PUDP: variants seen among roughly 807,000 people sequenced by gnomAD.
The protein encoded by PUDP is pseudouridine 5'-phosphatase.
Under a neutral mutation model 9.4 loss-of-function variants are expected in PUDP, and 8 were observed. That is an observed-to-expected ratio of 0.85 (90% CI 0.50 to 1.53). PUDP has a LOEUF of 1.53. Among genes scored for constraint, PUDP ranks in the 40% most tolerant of loss-of-function variants. The pLI is 0.00. For missense variants in PUDP, 188 were observed against 189.7 expected (o/e 0.99, Z 0.05); for synonymous variants, 99 against 80.7 (o/e 1.23, Z -1.22).
chrX:6,776,279 C>T (rs1239864240), intron 3 of PUDP, among the ~76,000 whole-genome samples: 1 of 110,290 alleles, frequency 9.1e-6, no homozygotes, highest in Non-Finnish European at 1.9e-5. Context: ...TGCCTGTAAA[C>T]CAAGCACCTT....
intron 3 of PUDP, among the ~76,000 whole-genome samples, chrX:6,763,403 C>T (rs992131554): frequency 8.9e-6 from 1 of 111,906 alleles, no homozygotes; most frequent in African/African-American, 3.2e-5. Context: ...ATTCGTAACA[C>T]CTTAAAATTA....
chrX:6,799,599 T>TA (rs371964341), intron 3 of PUDP, among the ~76,000 whole-genome samples: 2 of 111,499 alleles, frequency 1.8e-5, no homozygotes, highest in South Asian at 3.7e-4. Context: ...TATACATTAG[T>TA]AAAAAACAAA....
At position 6,933,313 on chromosome X, in the gene PUDP, G is replaced by C. The variant is rs187099090; in HGVS notation, c.*247+43820C>G. Reference sequence around the variant, plus strand: ...CTTCCAGAGGAATGATCAGACAGCAGCATTCGCGGCTCACGAAAAACCGCT... The same window carrying C: ...CTTCCAGAGGAATGATCAGACAGCACCATTCGCGGCTCACGAAAAACCGCT... On this transcript the variant is annotated intron_variant and NMD_transcript_variant, in intron 3 of 3. Transcript: ENST00000655425. Among the ~76,000 whole-genome samples, 30 of 111,237 alleles carry C rather than the reference G, an allele frequency of 2.7e-4. 1 individual carries two copies. The East Asian group carries it at 8.2e-3, about 31-fold the overall frequency.
At chrX:6,722,338 A>T (rs972930490), upstream of PUDP, among the ~76,000 whole-genome samples, 2 of 109,388 alleles carry the variant, frequency 1.8e-5, no homozygotes, top group African/African-American at 6.7e-5. Context: ...CCAGGTACTA[A>T]GGAGGCTGAG....
At chrX:6,761,888 G>C (rs1925232139) in intron 3 of PUDP, among the ~76,000 whole-genome samples, 2 of 111,824 alleles carry the variant, frequency 1.8e-5, no homozygotes, top group Non-Finnish European at 3.8e-5. Context: ...GCCACTTAAA[G>C]CATTCTTCCT....
intron 1 of PUDP, chrX:7,112,994 A>G (rs1231911246): frequency 1.8e-5 from 2 of 112,296 alleles, no homozygotes; most frequent in Non-Finnish European, 3.8e-5. Flanking sequence ...TCATGTTACA[A>G]AAGAGGTTTC....
At chrX:7,003,838 C>A (rs961808266) in intron 1 of PUDP, among the ~76,000 whole-genome samples, 22 of 111,370 alleles carry the variant, frequency 2.0e-4, no homozygotes, top group African/African-American at 7.2e-4. Context: ...GGGCAAATTA[C>A]TGGTGACATT....
intron 3 of PUDP, among the ~76,000 whole-genome samples, chrX:6,739,699 T>C (rs946081801): frequency 8.9e-6 from 1 of 111,857 alleles, no homozygotes; most frequent in African/African-American, 3.2e-5. Flanking sequence ...TACAAATAAT[T>C]TCCACTATGT....
At chrX:7,079,163 A>G (rs1420140278) in intron 2 of PUDP, among the ~76,000 whole-genome samples, 1 of 112,783 alleles carries the variant, frequency 8.9e-6, no homozygotes, top group African/African-American at 3.2e-5. Context: ...ATTGCTCAAA[A>G]GAGAGCCAGG....
chrX:7,036,373 T>C (rs1359478433), intron 1 of PUDP, among the ~76,000 whole-genome samples: 2 of 112,105 alleles, frequency 1.8e-5, no homozygotes, highest in East Asian at 2.8e-4. Flanking sequence ...AGCCTTGTAA[T>C]TCTTGGGCTA....
intron 2 of PUDP, among the ~76,000 whole-genome samples, chrX:7,090,241 T>C (rs1277778088): frequency 1.8e-5 from 2 of 110,984 alleles, no homozygotes; most frequent in African/African-American, 6.6e-5. Context: ...TAATAACTCA[T>C]TGAAAAACAT....
chrX:6,825,904 G>A (rs1413126626), intron 3 of PUDP, among the ~76,000 whole-genome samples: 1 of 111,633 alleles, frequency 9.0e-6, no homozygotes. Context: ...AAAGAAGCAG[G>A]CGGCAACAAG....
intron 3 of PUDP, among the ~76,000 whole-genome samples, chrX:6,816,256 A>G (rs749688999): frequency 9.5e-6 from 1 of 105,741 alleles, no homozygotes; most frequent in African/African-American, 3.4e-5. Flanking sequence ...TGCAGTGTAT[A>G]TATATTACAT....
At chrX:7,144,357 C>A (rs780411250) in intron 1 of PUDP, among the ~76,000 whole-genome samples, 1 of 112,468 alleles carries the variant, frequency 8.9e-6, no homozygotes, top group Admixed American at 9.4e-5. Flanking sequence ...TAAGAAAAAT[C>A]TATTTTTGTC....
At chrX:7,092,507 G>C (rs1317581625) in intron 2 of PUDP, among the ~76,000 whole-genome samples, 1 of 111,340 alleles carries the variant, frequency 9.0e-6, no homozygotes, top group Non-Finnish European at 1.9e-5. Flanking sequence ...GCTTTGTTGT[G>C]AGGAGTTTCT....
intron 3 of PUDP, among the ~76,000 whole-genome samples, chrX:6,850,419 T>C (rs914575559): frequency 8.9e-6 from 1 of 112,532 alleles, no homozygotes; most frequent in Non-Finnish European, 1.9e-5. Context: ...AAAGAATTAC[T>C]GTTTTTAAAC....
At chrX:6,863,817 AT>A (rs1927039521) in intron 3 of PUDP, among the ~76,000 whole-genome samples, 1 of 112,000 alleles carries the variant, frequency 8.9e-6, no homozygotes, top group Non-Finnish European at 1.9e-5. Flanking sequence ...GTAAACCAGA[AT>A]TGGGAGAGGT....
chrX:6,977,235 C>T (rs1005968101), exon 3 of PUDP, among the ~76,000 whole-genome samples: 4 of 111,599 alleles, frequency 3.6e-5, no homozygotes, highest in Non-Finnish European at 7.5e-5. Flanking sequence ...CAGAGACTGC[C>T]GCCTTACCTT....
chrX:7,006,936 C>G (rs1569138751), intron 1 of PUDP, among the ~76,000 whole-genome samples: 1 of 111,238 alleles, frequency 9.0e-6, no homozygotes. Context: ...GACACTAGGT[C>G]CAGAATCTGA....
Sources: gnomAD v4.1 joint callset for allele counts (sites outside exome capture counted in the v4.1 genomes callset) on GRCh38, gnomAD v4.1.1 for gene constraint, MANE v1.5 for transcripts, NCBI Gene and HGNC (gene_info 2026-07-23, HGNC 2026-07-21) for gene names.